PCYT1B: variants seen among roughly 807,000 people sequenced by gnomAD.
The protein encoded by PCYT1B is phosphate cytidylyltransferase 1B, choline.
Under a neutral mutation model 26.4 loss-of-function variants are expected in PCYT1B, and 10 were observed. The observed-to-expected ratio is 0.38, with a 90% CI of 0.23 to 0.64. PCYT1B has a LOEUF of 0.64. PCYT1B is among the 30% of genes least tolerant of loss of function. PCYT1B has a pLI of 0.56. For missense variants in PCYT1B, 161 were observed against 292.7 expected, an observed-to-expected ratio of 0.55 and a Z score of 3.28; for synonymous variants, 131 against 108.4, an observed-to-expected ratio of 1.21 and a Z score of -1.29.
chrX:24,663,692 G>A (rs1161853778), intron 1 of PCYT1B, among the ~76,000 whole-genome samples: 2 of 111,513 alleles, frequency 1.8e-5, no homozygotes, highest in Non-Finnish European at 3.8e-5. Flanking sequence ...AGGCTGGGGG[G>A]GATGACTTGA....
rs1354119677 is a variant in PCYT1B, at chrX:24,562,407, G to A, written c.996C>T (p.Arg332=). 1.7e-6 allele frequency: 2 copies of A among 1,190,648 alleles called. No homozygotes were observed. Among genetic ancestry groups the A allele is most frequent in the Admixed American group, 2.3e-5 (1 of 42,757 alleles). ...SSPTRSRSPS[R]SPSPTFSWLP... ...GCCATGAGAAGGTGGGCGATGGGGA[G>A]CGGGAAGGGGACCGGCTCCGGGTTG... Residue 332 remains arginine, a synonymous_variant, in exon 8 of 8, where the codon CGC becomes CGT. Coordinates refer to ENST00000379144, the MANE Select transcript of PCYT1B (RefSeq NM_004845.5).
intron 1 of PCYT1B, among the ~76,000 whole-genome samples, chrX:24,637,364 G>A (rs775183952): frequency 2.9e-5 from 3 of 103,376 alleles, no homozygotes; most frequent in Non-Finnish European, 5.8e-5. Context: ...CTTTGGGGCC[G>A]GGCACGGTGG....
At chrX:24,589,503 C>T (rs984814230) in intron 4 of PCYT1B, among the ~76,000 whole-genome samples, 2 of 111,730 alleles carry the variant, frequency 1.8e-5, no homozygotes, top group African/African-American at 6.5e-5. Context: ...TAAAGGCTGA[C>T]CTGTGACTTT....
At chrX:24,611,698 G>A (rs763252404) in intron 2 of PCYT1B, among the ~76,000 whole-genome samples, 15 of 111,293 alleles carry the variant, frequency 1.3e-4, no homozygotes, top group African/African-American at 4.2e-4. Flanking sequence ...TTGGCCAGGC[G>A]TGGTGGCTCA....
chrX:24,587,588 G>A (rs1318422183), intron 4 of PCYT1B, among the ~76,000 whole-genome samples: 1 of 111,499 alleles, frequency 9.0e-6, no homozygotes, highest in East Asian at 2.8e-4. Context: ...GGATTTCTTG[G>A]TCTTCTGTCC....
At chrX:24,630,457 G>A (rs762526965) in intron 1 of PCYT1B, among the ~76,000 whole-genome samples, 9 of 110,569 alleles carry the variant, frequency 8.1e-5, no homozygotes, top group African/African-American at 3.0e-4. Context: ...CACCACGCCC[G>A]GCTAATTTTT....
intron 1 of PCYT1B, among the ~76,000 whole-genome samples, chrX:24,620,890 C>T (rs1925681520): frequency 8.9e-6 from 1 of 111,802 alleles, no homozygotes; most frequent in African/African-American, 3.2e-5. Context: ...TGCATTAAAG[C>T]CGCTGCTTGC....
At chrX:24,587,009 G>T (rs1161272450) in intron 5 of PCYT1B, among the ~76,000 whole-genome samples, 2 of 112,269 alleles carry the variant, frequency 1.8e-5, no homozygotes. Flanking sequence ...TAGACCTGAA[G>T]TTGAGCACTT....
At chrX:24,563,545 G>A (rs774650674) in intron 7 of PCYT1B, among the ~76,000 whole-genome samples, 2 of 111,695 alleles carry the variant, frequency 1.8e-5, no homozygotes, top group Admixed American at 9.5e-5. Flanking sequence ...AGGCACAGAG[G>A]GCTGTGCCAT....
At chrX:24,601,911 G>C (rs1460502836) in intron 3 of PCYT1B, among the ~76,000 whole-genome samples, 1 of 112,050 alleles carries the variant, frequency 8.9e-6, no homozygotes, top group African/African-American at 3.2e-5. Flanking sequence ...CCCACTCCTG[G>C]TACAGCCACT....
At position 24,647,260 on chromosome X, in the gene PCYT1B, G is replaced by C; in HGVS notation, c.-155C>G. The stretch of plus-strand genomic sequence containing the variant: ...CTGTCTTCCCTAGGGGAAGTAAAGA[G>C]GTTACCCCCCGCCCCTCTCTCTCTC... On this transcript the variant is annotated 5_prime_UTR_variant, in exon 1 of 8. Coordinates refer to ENST00000379144, the MANE Select transcript of PCYT1B (RefSeq NM_004845.5). The C allele has an allele frequency of 6.0e-6, 6 of 998,287 alleles. No homozygotes were observed. The South Asian group carries it at 8.8e-5, about 15-fold the overall frequency. 82.3% of individuals were successfully genotyped at this position (998,287 alleles called of 1,213,427 possible).
intron 1 of PCYT1B, among the ~76,000 whole-genome samples, chrX:24,655,874 G>A (rs954048433): frequency 9.3e-6 from 1 of 107,193 alleles, no homozygotes; most frequent in Non-Finnish European, 1.9e-5. Context: ...AAGGCCATTA[G>A]GGGGAGGCCA....
chrX:24,578,961 T>C (rs372312275), intron 6 of PCYT1B, among the ~76,000 whole-genome samples: 50 of 111,297 alleles, frequency 4.5e-4, no homozygotes, highest in African/African-American at 1.3e-3. Context: ...CATGGGTTAT[T>C]GTGTGGGTTA....
At chrX:24,616,951 C>T (rs1925520071) in intron 2 of PCYT1B, among the ~76,000 whole-genome samples, 1 of 112,065 alleles carries the variant, frequency 8.9e-6, no homozygotes, top group Admixed American at 9.5e-5. Flanking sequence ...GAGACCAAAT[C>T]CCAACTTTAC....
chrX:24,570,429 T>A (rs1923788607), intron 7 of PCYT1B, among the ~76,000 whole-genome samples: 1 of 107,931 alleles, frequency 9.3e-6, no homozygotes, highest in Non-Finnish European at 1.9e-5. Context: ...AATTTTTATA[T>A]TTTTAGTAAA....
At chrX:24,630,574 C>T (rs1013974063) in intron 1 of PCYT1B, among the ~76,000 whole-genome samples, 1 of 112,004 alleles carries the variant, frequency 8.9e-6, no homozygotes, top group South Asian at 3.7e-4. Flanking sequence ...GGATTACAGG[C>T]GTGAGCCACC....
chrX:24,571,046 T>C (rs973551177), intron 7 of PCYT1B, among the ~76,000 whole-genome samples: 1 of 112,354 alleles, frequency 8.9e-6, no homozygotes, highest in Non-Finnish European at 1.9e-5. Flanking sequence ...TTTCATCGTA[T>C]AATTTTGTAG....
intron 1 of PCYT1B, among the ~76,000 whole-genome samples, chrX:24,646,212 A>G (rs1375603744): frequency 9.0e-6 from 1 of 111,509 alleles, no homozygotes; most frequent in African/African-American, 3.3e-5. Flanking sequence ...ACGAAGTTTC[A>G]CATCTACCTA....
chrX:24,628,180 A>T (rs1925939658), intron 1 of PCYT1B, among the ~76,000 whole-genome samples: 1 of 111,749 alleles, frequency 8.9e-6, no homozygotes, highest in South Asian at 3.8e-4. Context: ...AGCTCAGGGC[A>T]TGGATGCAGG....
Sources: allele counts gnomAD v4.1 joint callset (sites outside exome capture counted in the v4.1 genomes callset), GRCh38; gene constraint gnomAD v4.1.1; transcripts MANE v1.5; gene names NCBI Gene and HGNC (gene_info 2026-07-23, HGNC 2026-07-21).